The following SYNE1 variants were observed in gnomAD, a reference collection of about 807,000 sequenced individuals.
SYNE1 encodes spectrin repeat containing nuclear envelope protein 1.
A neutral mutation model predicts 1,111.0 loss-of-function variants in SYNE1; 616 were observed. That is an observed-to-expected ratio of 0.55 (90% confidence interval 0.52 to 0.59). The LOEUF is 0.59. SYNE1 is among the 20% of genes least tolerant of loss of function. The probability of loss-of-function intolerance (pLI) is 0.00; values close to 1 mark genes in which losing one functional copy is unlikely to be tolerated. For missense variants in SYNE1, 10,006 were observed against 10,417.0 expected (o/e 0.96, Z 1.72); for synonymous variants, 3,855 against 3,825.8 (o/e 1.01, Z -0.28).
At position 152,570,280 on chromosome 6, in the gene SYNE1, G is replaced by T. The variant is rs148631548; in HGVS notation, c.68-30259C>A. Among the ~76,000 whole-genome samples the T allele has an allele frequency of 8.0e-3, 1,215 of 152,076 alleles. 12 individuals carry two copies. The highest frequency in any genetic ancestry group is 0.026 in the African/African-American group (1,091 of 41,484). ...TATTATGTAGGTATTTGATTGTCCC[G>T]AACACATCAAAATATTACGCTTTCA... On this transcript the variant is annotated intron_variant, in intron 3 of 145. Transcript: ENST00000367255.
At chr6:152,343,731 C>T (rs1266684193) in intron 74 of SYNE1, among the ~76,000 whole-genome samples, 2 of 151,718 alleles carry the variant, frequency 1.3e-5, no homozygotes, top group Non-Finnish European at 2.9e-5. Context: ...CCATGCCCAG[C>T]TAATGTTTAT....
At chr6:152,616,171 C>T (rs1183119820) in intron 3 of SYNE1, among the ~76,000 whole-genome samples, 1 of 152,098 alleles carries the variant, frequency 6.6e-6, no homozygotes, top group African/African-American at 2.4e-5. Flanking sequence ...ATGAAATCAT[C>T]TTTATAATAA....
intron 71 of SYNE1, 136 bp from the exon 72 acceptor site, chr6:152,350,471 A>G (rs891627107): frequency 2.7e-6 from 4 of 1,465,788 alleles, no homozygotes; most frequent in African/African-American, 2.8e-5. Context: ...GGAAAACAAC[A>G]TAGTCATTAT....
In SYNE1 at chr6:152,455,610, A is replaced by G; in HGVS notation, c.2728-20T>C. The G allele has an allele frequency of 6.2e-7, 1 of 1,613,992 alleles. No individual in the cohort carries two copies. Among genetic ancestry groups the G allele is most frequent in the Non-Finnish European group, 8.5e-7 (1 of 1,179,824 alleles). ...CATACTCTTGATGTGAAAAACAATC[A>G]TAATGTGATGCTGCTTTCTCATTAC... On this transcript the variant is annotated intron_variant, in intron 23 of 145. Coordinates refer to ENST00000367255, the MANE Select transcript of SYNE1 (RefSeq NM_182961.4).
rs1341089745 is a variant in SYNE1 at position 152,511,110 on chromosome 6, A to C, written c.310-7T>G. 1.2e-6 allele frequency: 2 copies of C among 1,609,976 alleles called. No homozygotes were observed. The highest frequency in any genetic ancestry group is 1.7e-6 in the Non-Finnish European group (2 of 1,176,410). ...TAATGTTGACTAATTTAATCTGTTTAAAAAAGAGAAACTGTACTAGTAATG... is the reference window on the plus strand; with the variant it reads ...TAATGTTGACTAATTTAATCTGTTTCAAAAAGAGAAACTGTACTAGTAATG... On this transcript the variant is annotated splice_polypyrimidine_tract_variant and splice_region_variant and intron_variant, in intron 6 of 145. Transcript: ENST00000367255.
Position 152,416,454 on chromosome 6 carries a change from C to CA in SYNE1, c.5982dup (p.Glu1995Ter), listed in dbSNP as rs1337643902. On this transcript the variant is annotated frameshift_variant, in exon 41 of 146. Coordinates refer to ENST00000367255, the MANE Select transcript of SYNE1 (RefSeq NM_182961.4). LOFTEE classifies it high-confidence loss of function. ...TTGTCAGTCCTTTCTTCAATGTCCT[C>CA]AATGCTTTTCAGAAGCTCCTCTTTC... 1.2e-6 allele frequency: 2 copies of CA among 1,614,148 alleles called. No homozygotes were observed.
In SYNE1 at chr6:152,416,859, C is replaced by T. The variant is rs1396239676; in HGVS notation, c.5578G>A (p.Val1860Met). 4 of 1,614,030 alleles carry T rather than the reference C, an allele frequency of 2.5e-6. No homozygotes were observed. In the East Asian group the frequency reaches 8.9e-5, roughly 36 times the overall value. ...GACAGGGCAAGCTGCCGCCTCTCCA[C>T]AACCTGGCTGGCCTCCTCAAACAGC... ...FQLFEEASQV[V>M]ERRQLALSHL... Residue 1860 changes from valine to methionine, a missense_variant, in exon 41 of 146, where the codon GTG becomes ATG. Val to Met is a conservative substitution (Grantham distance 21, BLOSUM62 1). Around this residue, in one of 7 missense-constraint regions of SYNE1, gnomAD observed 4,955 missense variants for 5,017.2 expected, o/e 0.99. Coordinates refer to ENST00000367255, the MANE Select transcript of SYNE1 (RefSeq NM_182961.4).
At chr6:152,283,130 C>T (rs567494742) in intron 96 of SYNE1, among the ~76,000 whole-genome samples, 20 of 152,058 alleles carry the variant, frequency 1.3e-4, no homozygotes, top group South Asian at 6.2e-4. Flanking sequence ...CAAGAATTTA[C>T]GAGAGAACAA....
chr6:152,309,511 A>G (rs961578135), intron 90 of SYNE1, among the ~76,000 whole-genome samples: 1 of 152,234 alleles, frequency 6.6e-6, no homozygotes, highest in Non-Finnish European at 1.5e-5. Context: ...GTAAACCTGT[A>G]TTATCAGTTT....
chr6:152,398,289 C>T lies in SYNE1; in HGVS notation c.7350+330G>A, dbSNP rs189450325. On this transcript the variant is annotated intron_variant, in intron 49 of 145. Coordinates refer to ENST00000367255, the MANE Select transcript of SYNE1 (RefSeq NM_182961.4). Reference sequence around the variant, plus strand: ...AAACCATGTCTTCTTCTTTTTAAAACTCCTCCACAATAGTCATATAATACA... The same window carrying T: ...AAACCATGTCTTCTTCTTTTTAAAATTCCTCCACAATAGTCATATAATACA... 2.0e-5 allele frequency among the ~76,000 whole-genome samples: 3 copies of T among 152,174 alleles called. No individual in the cohort carries two copies. In the East Asian group the frequency reaches 5.8e-4, roughly 29 times the overall value.
chr6:152,404,173 A>G (rs764766979), intron 46 of SYNE1, 40 bp downstream of exon 46: 1 of 1,451,896 alleles, frequency 6.9e-7, no homozygotes, highest in Admixed American at 1.7e-5. Context: ...TAGTAATTAC[A>G]AAATGGATGG....
chr6:152,202,003 G>GT lies in SYNE1; in HGVS notation c.23020-55_23020-54insA. On this transcript the variant is annotated intron_variant, in intron 126 of 145. Transcript: ENST00000367255. ...AGATGTTTTTGATGTAGGAAACTGGGGGGGGAAAAGAAAAGAAACACTCTT... is the reference window on the plus strand; with the variant it reads ...AGATGTTTTTGATGTAGGAAACTGGGTGGGGGAAAAGAAAAGAAACACTCTT... 4 of 1,600,306 alleles carry GT rather than the reference G, an allele frequency of 2.5e-6. No individual in the cohort carries two copies. The African/African-American group carries it at 4.0e-5, about 16-fold the overall frequency.
chr6:152,555,096 T>G (rs1410783847), intron 3 of SYNE1, among the ~76,000 whole-genome samples: 1 of 152,182 alleles, frequency 6.6e-6, no homozygotes, highest in Non-Finnish European at 1.5e-5. Context: ...TGATGAGAAA[T>G]CTTAGGAAGA....
At chr6:152,632,609 G>A (rs1303543258) in intron 2 of SYNE1, among the ~76,000 whole-genome samples, 3 of 152,164 alleles carry the variant, frequency 2.0e-5, no homozygotes, top group Non-Finnish European at 4.4e-5. Context: ...GGAGGAGAGT[G>A]TGGTACCAGG....
At chr6:152,387,498 G>A in intron 53 of SYNE1, 117 bp from the exon 54 acceptor site, 1 of 1,081,756 alleles carries the variant, frequency 9.2e-7, no homozygotes, top group Non-Finnish European at 1.4e-6. Flanking sequence ...TGGAAGTGAT[G>A]AAAATGTTGC....
rs149718340 is a variant in SYNE1 at position 152,231,998 on chromosome 6, G to T, written c.20862+118C>A. 5.6e-4 allele frequency: 412 copies of T among 737,832 alleles called. 1 individual carries two copies. In the East Asian group the frequency reaches 0.011, roughly 19 times the overall value. 45.7% of individuals were successfully genotyped at this position (737,832 alleles called of 1,614,324 possible). Reference sequence around the variant, plus strand: ...TTTTCTTGCTATTGAATTCCTATCTGGTCACTGTGTAGGAAACATACATTC... The same window carrying T: ...TTTTCTTGCTATTGAATTCCTATCTTGTCACTGTGTAGGAAACATACATTC... On this transcript the variant is annotated intron_variant, in intron 113 of 145. Transcript: ENST00000367255.
At chr6:152,243,433 C>A (rs749259212) in intron 106 of SYNE1, among the ~76,000 whole-genome samples, 1 of 152,108 alleles carries the variant, frequency 6.6e-6, no homozygotes, top group African/African-American at 2.4e-5. Flanking sequence ...TGATGACACA[C>A]CAAACACAAA....
chr6:152,194,485 C>A (rs2073557345), intron 127 of SYNE1, among the ~76,000 whole-genome samples: 1 of 152,102 alleles, frequency 6.6e-6, no homozygotes, highest in Non-Finnish European at 1.5e-5. Flanking sequence ...TTGAGGTAAT[C>A]TTCTTTGGGT....
intron 51 of SYNE1, among the ~76,000 whole-genome samples, chr6:152,393,350 T>C (rs534116519): frequency 5.3e-5 from 8 of 152,154 alleles, no homozygotes; most frequent in African/African-American, 1.7e-4. Flanking sequence ...ATTTAAAACA[T>C]CTGGAAGAAG....
Sources: gnomAD v4.1 joint callset for allele counts (sites outside exome capture counted in the v4.1 genomes callset) on GRCh38, gnomAD v4.1.1 for gene constraint, gnomAD v4.1.1 regional missense constraint, MANE v1.5 for transcripts, NCBI Gene and HGNC (gene_info 2026-07-23, HGNC 2026-07-21) for gene names.